The following LIPC variants were observed in gnomAD, a reference collection of about 807,000 sequenced individuals.
The protein encoded by LIPC is lipase C, hepatic type, also known as hepatic triacylglycerol lipase.
A neutral mutation model predicts 50.7 loss-of-function variants in LIPC; 44 were observed. The ratio of observed to expected loss-of-function variants is 0.87; its 90% CI spans 0.68 to 1.11. The LOEUF (loss-of-function observed/expected upper bound fraction) is 1.11, where lower values mean the gene tolerates loss of function less well. Ranked by LOEUF, LIPC falls within the 50% of genes most tolerant of loss-of-function variation. The probability of loss-of-function intolerance (pLI) is 0.00; values close to 1 mark genes in which losing one functional copy is unlikely to be tolerated. For missense variants in LIPC, 697 were observed against 648.2 expected, an observed-to-expected ratio of 1.08 and a Z score of -0.82; for synonymous variants, 271 against 256.4, an observed-to-expected ratio of 1.06 and a Z score of -0.54.
At chr15:58,488,799 C>A (rs1303198851) in intron 1 of LIPC, among the ~76,000 whole-genome samples, 9 of 152,158 alleles carry the variant, frequency 5.9e-5, no homozygotes. Flanking sequence ...GACCCAAAGA[C>A]CACTCCCATA....
chr15:58,513,062 G>A (rs147378236), intron 1 of LIPC, among the ~76,000 whole-genome samples: 1 of 152,024 alleles, frequency 6.6e-6, no homozygotes, highest in African/African-American at 2.4e-5. Context: ...CCCAAAGGAC[G>A]CTCGACCTTT....
At chr15:58,567,996 C>T (rs1193181784) in intron 8 of LIPC, among the ~76,000 whole-genome samples, 1 of 152,136 alleles carries the variant, frequency 6.6e-6, no homozygotes, top group Admixed American at 6.5e-5. Context: ...TTAGTGAAGA[C>T]TTGACCTTAG....
At chr15:58,526,624 G>T (rs1461959207) in intron 1 of LIPC, among the ~76,000 whole-genome samples, 1 of 152,232 alleles carries the variant, frequency 6.6e-6, no homozygotes, top group Non-Finnish European at 1.5e-5. Flanking sequence ...CCTAAAGCAG[G>T]TGCACAGAAT....
At chr15:58,455,562 A>T (rs1307462310) in intron 1 of LIPC, among the ~76,000 whole-genome samples, 2 of 152,234 alleles carry the variant, frequency 1.3e-5, no homozygotes. Context: ...AATTCATGTC[A>T]TTGTTGAATG....
chr15:58,536,286 G>C (rs945798287), intron 1 of LIPC, among the ~76,000 whole-genome samples: 9 of 152,294 alleles, frequency 5.9e-5, no homozygotes, highest in Admixed American at 5.2e-4. Context: ...GTTGGTAGCA[G>C]GAGAACGAAA....
intron 1 of LIPC, among the ~76,000 whole-genome samples, chr15:58,519,476 G>A (rs1193457158): frequency 6.6e-6 from 1 of 151,838 alleles, no homozygotes; most frequent in Non-Finnish European, 1.5e-5. Flanking sequence ...AGGATTAAGA[G>A]AGTTACTCTG....
chr15:58,486,491 A>G (rs1422871066), intron 1 of LIPC, among the ~76,000 whole-genome samples: 1 of 152,180 alleles, frequency 6.6e-6, no homozygotes, highest in Non-Finnish European at 1.5e-5. Flanking sequence ...AAAAGTAGTT[A>G]TGACCCTCTG....
At chr15:58,451,371 AAGCTT>A (rs1893893729) in intron 1 of LIPC, among the ~76,000 whole-genome samples, 3 of 152,314 alleles carry the variant, frequency 2.0e-5, no homozygotes, top group Admixed American at 2.0e-4. Flanking sequence ...TCCAAATTAT[AAGCTT>A]CAGGGACAGC....
At chr15:58,463,400 C>T (rs1197273852) in intron 1 of LIPC, among the ~76,000 whole-genome samples, 3 of 152,222 alleles carry the variant, frequency 2.0e-5, no homozygotes, top group Admixed American at 6.5e-5. Context: ...ACCAAGCTTT[C>T]AGAAACTGCT....
chr15:58,480,578 T>C (rs1289880416), intron 1 of LIPC, among the ~76,000 whole-genome samples: 2 of 152,228 alleles, frequency 1.3e-5, no homozygotes, highest in Non-Finnish European at 2.9e-5. Context: ...ATTACAGGTG[T>C]GAGCCACTGT....
chr15:58,564,689 T>C (rs1354083493), intron 8 of LIPC, among the ~76,000 whole-genome samples: 2 of 151,994 alleles, frequency 1.3e-5, no homozygotes, highest in Admixed American at 6.6e-5. Flanking sequence ...ATCGCGGCAT[T>C]GCACTCCAGC....
At chr15:58,484,544 A>G (rs1595887496) in intron 1 of LIPC, among the ~76,000 whole-genome samples, 2 of 152,246 alleles carry the variant, frequency 1.3e-5, no homozygotes, top group African/African-American at 4.8e-5. Flanking sequence ...TAATCCTCAC[A>G]GCAACCCACT....
Position 58,546,489 on chromosome 15 carries a change from A to G in LIPC, c.808+514A>G, listed in dbSNP as rs1162701407. On this transcript the variant is annotated intron_variant, in intron 5 of 8. Transcript: ENST00000299022. Reference sequence around the variant, plus strand: ...TGTCCCAATGGGAAATTCAGCTTCAAATATGTCCTTGTTATGCCCTTTACC... The same window carrying G: ...TGTCCCAATGGGAAATTCAGCTTCAGATATGTCCTTGTTATGCCCTTTACC... 2.0e-5 allele frequency among the ~76,000 whole-genome samples: 3 copies of G among 152,186 alleles called. No homozygotes were observed. The East Asian group carries it at 5.8e-4, about 29-fold the overall frequency.
intron 6 of LIPC, among the ~76,000 whole-genome samples, chr15:58,557,294 G>A (rs1408799271): frequency 4.6e-5 from 7 of 151,232 alleles, no homozygotes; most frequent in African/African-American, 1.5e-4. Context: ...TGAGGGTCAA[G>A]TGAGATGACA....
At chr15:58,532,293 T>A (rs1332243841) in intron 1 of LIPC, among the ~76,000 whole-genome samples, 1 of 152,156 alleles carries the variant, frequency 6.6e-6, no homozygotes. Flanking sequence ...CATCTTTCCA[T>A]CGTGCAAGAA....
Position 58,566,299 on chromosome 15 carries a change from C to G in LIPC, c.1389-2417C>G, listed in dbSNP as rs551128741. 1.7e-4 allele frequency: 169 copies of G among 985,322 alleles called. 1 individual carries two copies. The highest frequency in any genetic ancestry group is 2.0e-4 in the Non-Finnish European group (166 of 829,970). 61.0% of individuals were successfully genotyped at this position (985,322 alleles called of 1,614,324 possible). On this transcript the variant is annotated intron_variant, in intron 8 of 8. Coordinates refer to ENST00000299022, the MANE Select transcript of LIPC (RefSeq NM_000236.3). The stretch of plus-strand genomic sequence containing the variant: ...AGGTGTTCCCAGGGAGACAGGCAGC[C>G]GGCAAAGCAATATGGCTGGCAGGAT...
chr15:58,487,813 C>T (rs1352784959), intron 1 of LIPC, among the ~76,000 whole-genome samples: 6 of 152,166 alleles, frequency 3.9e-5, no homozygotes, highest in African/African-American at 1.4e-4. Flanking sequence ...TTGCAGGGCC[C>T]GAGGTCATCT....
At chr15:58,462,595 C>G (rs1231782358) in intron 1 of LIPC, among the ~76,000 whole-genome samples, 4 of 152,220 alleles carry the variant, frequency 2.6e-5, no homozygotes, top group African/African-American at 9.7e-5. Flanking sequence ...CCCTCTCCTG[C>G]TCTGTTTCCA....
At chr15:58,467,587 G>A (rs1320049971) in intron 1 of LIPC, among the ~76,000 whole-genome samples, 2 of 152,064 alleles carry the variant, frequency 1.3e-5, no homozygotes, top group African/African-American at 4.8e-5. Flanking sequence ...GGCTGTTAAA[G>A]ACCCTCCTGG....
Sources: gnomAD v4.1 joint callset for allele counts (sites outside exome capture counted in the v4.1 genomes callset) on GRCh38, gnomAD v4.1.1 for gene constraint, MANE v1.5 for transcripts, NCBI Gene and HGNC (gene_info 2026-07-23, HGNC 2026-07-21) for gene names.